The following TCEA1 variants were observed in gnomAD, a reference collection of about 807,000 sequenced individuals.
TCEA1 encodes the protein transcription elongation factor A protein 1.
Under a neutral mutation model 43.8 loss-of-function variants are expected in TCEA1, and 21 were observed. That is an observed-to-expected ratio of 0.48 (90% CI 0.34 to 0.69). TCEA1 has a LOEUF of 0.69. Among genes scored for constraint, TCEA1 ranks in the 30% least tolerant of loss-of-function variants. The pLI is 0.01. For synonymous variants in TCEA1, 104 were observed against 117.5 expected (o/e 0.88, Z 0.75); for missense variants, 250 against 365.1 (o/e 0.68, Z 2.57).
intron 1 of TCEA1, among the ~76,000 whole-genome samples, chr8:54,017,073 G>C (rs957073777): frequency 2.0e-5 from 3 of 151,378 alleles, no homozygotes; most frequent in Non-Finnish European, 4.4e-5. Context: ...AAAATTTCCA[G>C]ATTTGGCAAA....
At chr8:54,006,128 T>C (rs112826778) in intron 2 of TCEA1, among the ~76,000 whole-genome samples, 2 of 152,210 alleles carry the variant, frequency 1.3e-5, no homozygotes, top group South Asian at 2.1e-4. Context: ...TGTACTTAGA[T>C]TGACAAGTAA....
chr8:53,982,947 T>A (rs1320984199), intron 7 of TCEA1, among the ~76,000 whole-genome samples: 1 of 152,228 alleles, frequency 6.6e-6, no homozygotes, highest in African/African-American at 2.4e-5. Flanking sequence ...TTAAACAGCA[T>A]CACAGGCTAC....
intron 8 of TCEA1, among the ~76,000 whole-genome samples, chr8:53,978,290 A>C (rs1166905347): frequency 6.6e-6 from 1 of 152,206 alleles, no homozygotes; most frequent in Non-Finnish European, 1.5e-5. Flanking sequence ...TTAAGAAAGA[A>C]ATCTTATCTC....
At chr8:54,013,496 TG>T (rs1406917872) in intron 1 of TCEA1, among the ~76,000 whole-genome samples, 1 of 151,722 alleles carries the variant, frequency 6.6e-6, no homozygotes, top group Non-Finnish European at 1.5e-5. Context: ...CTGGCCAACA[TG>T]GTGAAACTCC....
intron 7 of TCEA1, among the ~76,000 whole-genome samples, chr8:53,983,453 C>G (rs1024122343): frequency 3.3e-5 from 5 of 152,110 alleles, no homozygotes; most frequent in African/African-American, 1.2e-4. Context: ...AAATAGCAAG[C>G]TATAAATTTC....
At chr8:53,996,963 G>A (rs1031958694) in intron 3 of TCEA1, among the ~76,000 whole-genome samples, 8 of 147,264 alleles carry the variant, frequency 5.4e-5, no homozygotes, top group African/African-American at 1.5e-4. Flanking sequence ...TCAGTGGCGC[G>A]ATCTCGGCTC....
intron 8 of TCEA1, among the ~76,000 whole-genome samples, chr8:53,975,227 C>A (rs1050726324): frequency 6.6e-6 from 1 of 151,970 alleles, no homozygotes; most frequent in Non-Finnish European, 1.5e-5. Context: ...TACTTAATTC[C>A]AACTATACAC....
intron 2 of TCEA1, 54 bp downstream of exon 2, chr8:54,010,376 G>A: frequency 7.6e-7 from 1 of 1,312,878 alleles, no homozygotes; most frequent in South Asian, 1.3e-5. Flanking sequence ...AAGATGTTTT[G>A]GTATTTTATG....
chr8:53,971,261 A>G (rs1284499168), intron 8 of TCEA1: 1 of 152,290 alleles, frequency 6.6e-6, no homozygotes, highest in Non-Finnish European at 1.5e-5. Flanking sequence ...AGTGACCAAC[A>G]GTTTAGGCAC....
At chr8:53,973,397 G>A in intron 8 of TCEA1, 1 of 504,666 alleles carries the variant, frequency 2.0e-6, no homozygotes, top group Non-Finnish European at 3.7e-6. Context: ...AGAAAAAGAA[G>A]ACTCTTGCTA....
At chr8:54,021,746 A>C in intron 1 of TCEA1, 1 of 252,220 alleles carries the variant, frequency 4.0e-6, no homozygotes, top group Non-Finnish European at 7.4e-6. Context: ...TTCCTAAGCT[A>C]AATTGCCAAG....
intron 5 of TCEA1, 61 bp downstream of exon 5, chr8:53,988,053 G>C (rs1032224279): frequency 1.1e-5 from 17 of 1,572,112 alleles, no homozygotes; most frequent in Admixed American, 7.1e-5. Flanking sequence ...TATGGAGTTG[G>C]AGATGGCAGT....
rs542719627 is a variant in TCEA1 at position 53,972,685 on chromosome 8, C to T, written c.826-2222G>A. ...GGATCAGTAGAGCTATTAAGTGTTC[C>T]TGAAGATGCCCCAAAAAAGGACTGG... On this transcript the variant is annotated intron_variant, in intron 8 of 9. Transcript: ENST00000521604. 79 of 634,654 alleles carry T rather than the reference C, an allele frequency of 1.2e-4. 1 individual carries two copies. The highest frequency in any genetic ancestry group is 1.1e-3 in the South Asian group (78 of 73,090). The allele number at this position is 634,654 out of a possible 1,614,324, so 39.3% of individuals were successfully genotyped here.
chr8:54,014,910 T>C (rs1586039687), intron 1 of TCEA1, among the ~76,000 whole-genome samples: 1 of 152,208 alleles, frequency 6.6e-6, no homozygotes. Context: ...CAACCTTGAG[T>C]AGTTAAAACA....
intron 2 of TCEA1, among the ~76,000 whole-genome samples, chr8:54,009,356 G>C (rs1804577684): frequency 6.6e-6 from 1 of 152,136 alleles, no homozygotes; most frequent in Admixed American, 6.5e-5. Flanking sequence ...GTTTAACAAA[G>C]GGGTATCTGC....
In TCEA1 at chr8:54,022,357, C is replaced by A. The variant is rs1805080318; in HGVS notation, c.-232G>T. 1.7e-6 allele frequency: 1 copy of A among 573,590 alleles called. No homozygotes were observed. Among genetic ancestry groups the A allele is most frequent in the Non-Finnish European group, 3.0e-6 (1 of 329,420 alleles). 35.5% of individuals were successfully genotyped at this position (573,590 alleles called of 1,614,324 possible). On this transcript the variant is annotated 5_prime_UTR_variant, in exon 1 of 10. Coordinates refer to ENST00000521604, the MANE Select transcript of TCEA1 (RefSeq NM_006756.4). ...TCGAACACCGCGCGCGACGTGCAGG[C>A]GCTACCAACTGACTGCAGATCGCTG...
chr8:53,987,120 C>T, intron 5 of TCEA1, 95 bp from the exon 6 acceptor site: 1 of 1,034,644 alleles, frequency 9.7e-7, no homozygotes, highest in Non-Finnish European at 1.4e-6. Flanking sequence ...TTTCTTAAAC[C>T]CCATTTGCCT....
intron 1 of TCEA1, among the ~76,000 whole-genome samples, chr8:54,013,547 C>G (rs1223640461): frequency 6.6e-6 from 1 of 151,668 alleles, no homozygotes; most frequent in Admixed American, 6.6e-5. Context: ...GGCGTGGTGG[C>G]GGGCACCTGT....
chr8:53,982,277 T>G (rs1430907273), intron 7 of TCEA1, among the ~76,000 whole-genome samples: 1 of 151,992 alleles, frequency 6.6e-6, no homozygotes, highest in Non-Finnish European at 1.5e-5. Context: ...CCAATCATCA[T>G]GGATGACTTT....
Sources: allele counts gnomAD v4.1 joint callset (sites outside exome capture counted in the v4.1 genomes callset), GRCh38; gene constraint gnomAD v4.1.1; transcripts MANE v1.5; gene names NCBI Gene and HGNC (gene_info 2026-07-23, HGNC 2026-07-21).